PLXNA4: variants seen among roughly 807,000 people sequenced by gnomAD.
PLXNA4 encodes plexin-A4.
A neutral mutation model predicts 191.8 loss-of-function variants in PLXNA4; 44 were observed. That is an observed-to-expected ratio of 0.23 (90% CI 0.18 to 0.29). PLXNA4 has a LOEUF of 0.29. Ranked by LOEUF, PLXNA4 falls within the 10% of genes least tolerant of loss-of-function variation. The pLI is 1.00. For missense variants in PLXNA4, 1,800 were observed against 2,488.8 expected (o/e 0.72, Z 5.89); for synonymous variants, 1,082 against 1,009.5 (o/e 1.07, Z -1.36).
At chr7:132,539,910 A>G (rs1799996647) in intron 1 of PLXNA4, among the ~76,000 whole-genome samples, 1 of 152,244 alleles carries the variant, frequency 6.6e-6, no homozygotes, top group African/African-American at 2.4e-5. Flanking sequence ...GCCATTCCCC[A>G]GAGAACAGAG....
At chr7:132,642,764 C>T (rs1212913965) in intron 2 of PLXNA4, among the ~76,000 whole-genome samples, 6 of 152,086 alleles carry the variant, frequency 3.9e-5, no homozygotes, top group South Asian at 4.1e-4. Flanking sequence ...AAAGAAACTA[C>T]GGTTCACCCA....
intron 3 of PLXNA4, among the ~76,000 whole-genome samples, chr7:132,356,958 C>T (rs1563054556): frequency 6.6e-6 from 1 of 152,164 alleles, no homozygotes; most frequent in African/African-American, 2.4e-5. Flanking sequence ...GACAGAGGGG[C>T]CTGGGGAAGG....
chr7:132,550,830 C>T (rs910834219), intron 1 of PLXNA4, among the ~76,000 whole-genome samples: 123 of 152,102 alleles, frequency 8.1e-4, no homozygotes, highest in African/African-American at 2.9e-3. Context: ...CAGTGCAGAC[C>T]TTAATCCTGG....
intron 3 of PLXNA4, among the ~76,000 whole-genome samples, chr7:132,310,701 C>G (rs1404033824): frequency 2.0e-5 from 3 of 152,168 alleles, no homozygotes; most frequent in African/African-American, 7.2e-5. Context: ...AATAAATAAC[C>G]CAGGGAGTGT....
At position 132,148,591 on chromosome 7, in the gene PLXNA4, G is replaced by C. The variant is rs761337425; in HGVS notation, c.4716C>G (p.Thr1572=). The C allele has an allele frequency of 2.5e-6, 4 of 1,614,026 alleles. No individual in the cohort carries two copies. The highest frequency in any genetic ancestry group is 3.4e-6 in the Non-Finnish European group (4 of 1,180,048). Reference sequence around the variant, plus strand: ...GTCGCTTCCAATCATTCTCAATCTTGGTGGTGATGTCTTCATCCTGCAAGA... The same window carrying C: ...GTCGCTTCCAATCATTCTCAATCTTCGTGGTGATGTCTTCATCCTGCAAGA... ...RMILQDEDIT[T]KIENDWKRLN... is the part of the protein sequence containing the mutation. The change falls in exon 26 of 32, where the codon ACC becomes ACG. Residue 1572 remains threonine, a synonymous_variant. Transcript: ENST00000321063.
chr7:132,489,260 C>G (rs749487699), intron 3 of PLXNA4, 32 bp downstream of exon 3: 29 of 1,553,946 alleles, frequency 1.9e-5, no homozygotes, highest in Non-Finnish European at 2.2e-5. Flanking sequence ...ACTGTCTTCA[C>G]AGTAACCAAA....
At chr7:132,192,187 G>A (rs563854877) in intron 14 of PLXNA4, among the ~76,000 whole-genome samples, 1 of 152,292 alleles carries the variant, frequency 6.6e-6, no homozygotes, top group South Asian at 2.1e-4. Context: ...TCAAGTCTGT[G>A]TCAAGTACTT....
chr7:132,326,387 T>C (rs1322548325), intron 3 of PLXNA4, among the ~76,000 whole-genome samples: 2 of 152,232 alleles, frequency 1.3e-5, no homozygotes, highest in Non-Finnish European at 1.5e-5. Flanking sequence ...ACCATCCTAC[T>C]GTTCCTGGGT....
chr7:132,598,422 T>C (rs966346582), intron 2 of PLXNA4, among the ~76,000 whole-genome samples: 10 of 152,236 alleles, frequency 6.6e-5, no homozygotes, highest in African/African-American at 2.4e-4. Context: ...ATATATATTC[T>C]TATTGGCATG....
chr7:132,537,750 G>T (rs2116480794), intron 1 of PLXNA4, among the ~76,000 whole-genome samples: 1 of 152,308 alleles, frequency 6.6e-6, no homozygotes, highest in Non-Finnish European at 1.5e-5. Flanking sequence ...AATTCACAAT[G>T]ACAGCAAAGC....
intron 3 of PLXNA4, among the ~76,000 whole-genome samples, chr7:132,386,539 T>C (rs1420151054): frequency 2.0e-5 from 3 of 152,144 alleles, no homozygotes; most frequent in African/African-American, 7.2e-5. Context: ...AGTAAAATCA[T>C]GCTTAGTGGG....
intron 1 of PLXNA4, among the ~76,000 whole-genome samples, chr7:132,560,310 A>G (rs920526924): frequency 2.0e-5 from 3 of 152,028 alleles, no homozygotes; most frequent in East Asian, 1.9e-4. Flanking sequence ...GTGCTACTCA[A>G]CCTCCCGGGA....
intron 1 of PLXNA4, among the ~76,000 whole-genome samples, chr7:132,567,230 C>A (rs531485968): frequency 6.6e-6 from 1 of 152,150 alleles, no homozygotes; most frequent in Non-Finnish European, 1.5e-5. Context: ...TCACAGAATG[C>A]TCTTTCCATG....
chr7:132,580,610 G>C (rs1585384214), upstream of PLXNA4, among the ~76,000 whole-genome samples: 3 of 152,264 alleles, frequency 2.0e-5, no homozygotes, highest in South Asian at 6.2e-4. Context: ...AAAAGTATTG[G>C]TTCATCTCCC....
chr7:132,588,591 G>A (rs376938552), intron 2 of PLXNA4, among the ~76,000 whole-genome samples: 4 of 136,820 alleles, frequency 2.9e-5, no homozygotes, highest in Admixed American at 1.6e-4. Context: ...TGCATATTCA[G>A]ACATAAAAAC....
intron 3 of PLXNA4, among the ~76,000 whole-genome samples, chr7:132,320,120 CACAA>C (rs915699953): frequency 3.3e-5 from 5 of 152,244 alleles, no homozygotes; most frequent in African/African-American, 1.2e-4. Context: ...AAGATGGCAA[CACAA>C]ACAAACTCTG....
At chr7:132,333,050 A>G (rs772393038) in intron 3 of PLXNA4, among the ~76,000 whole-genome samples, 42 of 152,178 alleles carry the variant, frequency 2.8e-4, no homozygotes, top group Non-Finnish European at 5.1e-4. Flanking sequence ...AACTGCTTTC[A>G]TGACACATTA....
chr7:132,340,707 T>G (rs1802994894), intron 3 of PLXNA4, among the ~76,000 whole-genome samples: 1 of 152,238 alleles, frequency 6.6e-6, no homozygotes, highest in Non-Finnish European at 1.5e-5. Context: ...CTGCCTAGGT[T>G]GTTTCTCATG....
intron 3 of PLXNA4, among the ~76,000 whole-genome samples, chr7:132,353,792 TG>T (rs1312556303): frequency 6.6e-6 from 1 of 152,060 alleles, no homozygotes; most frequent in East Asian, 1.9e-4. Flanking sequence ...GAACTTGAGG[TG>T]GGGGGCAAGC....
Sources: gnomAD v4.1 joint callset for allele counts (sites outside exome capture counted in the v4.1 genomes callset) on GRCh38, gnomAD v4.1.1 for gene constraint, MANE v1.5 for transcripts, NCBI Gene and HGNC (gene_info 2026-07-23, HGNC 2026-07-21) for gene names.